Variants in PHACTR1 observed in about 807,000 individuals in gnomAD.
PHACTR1 encodes phosphatase and actin regulator 1.
PHACTR1 carries 16 observed loss-of-function variants against 69.2 expected under a neutral mutation model. That is an observed-to-expected ratio of 0.23 (90% CI 0.16 to 0.35). PHACTR1 has a LOEUF of 0.35. PHACTR1 is among the 10% of genes least tolerant of loss of function. PHACTR1 has a pLI of 1.00. For missense variants in PHACTR1, 510 were observed against 734.7 expected, an observed-to-expected ratio of 0.69 and a Z score of 3.54; for synonymous variants, 312 against 284.5, an observed-to-expected ratio of 1.10 and a Z score of -0.97.
At chr6:12,792,095 T>C (rs1206668181) in intron 4 of PHACTR1, among the ~76,000 whole-genome samples, 1 of 152,140 alleles carries the variant, frequency 6.6e-6, no homozygotes, top group East Asian at 1.9e-4. Flanking sequence ...AAAGTAGACA[T>C]AAGCATATGT....
At chr6:12,737,305 T>C (rs80302499) in intron 3 of PHACTR1, among the ~76,000 whole-genome samples, 5,254 of 152,070 alleles carry the variant, frequency 0.035, 299 homozygotes, top group African/African-American at 0.12. Flanking sequence ...TATAGTATAG[T>C]TATAGGACCA....
At chr6:12,754,567 T>C (rs1190320177) in intron 4 of PHACTR1, among the ~76,000 whole-genome samples, 1 of 152,162 alleles carries the variant, frequency 6.6e-6, no homozygotes, top group African/African-American at 2.4e-5. Flanking sequence ...CTATATATAG[T>C]TAGAGCTAGC....
intron 3 of PHACTR1, among the ~76,000 whole-genome samples, chr6:12,738,584 T>G (rs138067156): frequency 0.016 from 2,376 of 152,266 alleles, 65 homozygotes; most frequent in African/African-American, 0.055. Flanking sequence ...GGAGCCAGGC[T>G]GGGCATGGTG....
intron 4 of PHACTR1, among the ~76,000 whole-genome samples, chr6:12,893,497 G>A (rs894787346): frequency 1.3e-5 from 2 of 152,200 alleles, no homozygotes; most frequent in East Asian, 1.9e-4. Flanking sequence ...AGATGACCCT[G>A]TGAATCCTTC....
chr6:12,934,466 G>C (rs1215591611), intron 4 of PHACTR1, among the ~76,000 whole-genome samples: 1 of 152,174 alleles, frequency 6.6e-6, no homozygotes, highest in Non-Finnish European at 1.5e-5. Flanking sequence ...TGATGGTTTT[G>C]AGGAGCTATC....
At chr6:13,209,461 CCT>C (rs1766463168) in intron 8 of PHACTR1, among the ~76,000 whole-genome samples, 1 of 152,190 alleles carries the variant, frequency 6.6e-6, no homozygotes, top group Non-Finnish European at 1.5e-5. Flanking sequence ...GGACCGACCC[CCT>C]GTTTGGGCCA....
At chr6:12,879,033 G>A (rs536525412) in intron 4 of PHACTR1, among the ~76,000 whole-genome samples, 14 of 152,286 alleles carry the variant, frequency 9.2e-5, no homozygotes, top group African/African-American at 3.1e-4. Context: ...TGGAGATGTA[G>A]TGTGATGGCT....
At chr6:13,057,228 A>G (rs907810146) in intron 5 of PHACTR1, among the ~76,000 whole-genome samples, 5 of 152,194 alleles carry the variant, frequency 3.3e-5, no homozygotes. Context: ...CATTGTATAC[A>G]TGCATCAAAA....
Position 13,278,261 on chromosome 6 carries a change from T to C in PHACTR1, c.1448-7T>C, listed in dbSNP as rs1460859129. The C allele has an allele frequency of 5.1e-6, 8 of 1,579,210 alleles. No homozygotes were observed. Among genetic ancestry groups the C allele is most frequent in the Non-Finnish European group, 6.9e-6 (8 of 1,162,660 alleles). ...AAATAAAAAAACATCTTAAATATTT[T>C]TTTTAGCTCGGAATGAACAAGAGGA... On this transcript the variant is annotated splice_polypyrimidine_tract_variant and splice_region_variant and intron_variant, in intron 11 of 14. Coordinates refer to ENST00000332995, the MANE Select transcript of PHACTR1 (RefSeq NM_030948.6).
At chr6:13,003,344 C>T (rs566976312) in intron 4 of PHACTR1, among the ~76,000 whole-genome samples, 1 of 152,130 alleles carries the variant, frequency 6.6e-6, no homozygotes, top group East Asian at 1.9e-4. Flanking sequence ...TCTGTTTTTT[C>T]ACCTGCTGAC....
intron 5 of PHACTR1, among the ~76,000 whole-genome samples, chr6:13,105,251 C>T (rs1815905927): frequency 6.6e-6 from 1 of 152,104 alleles, no homozygotes; most frequent in South Asian, 2.1e-4. Flanking sequence ...TGGTGATGCA[C>T]ACCTGTACTC....
intron 5 of PHACTR1, among the ~76,000 whole-genome samples, chr6:13,087,714 C>T (rs1328717898): frequency 6.6e-6 from 1 of 151,582 alleles, no homozygotes; most frequent in Non-Finnish European, 1.5e-5. Context: ...GGTGTGATCA[C>T]AGCTCACTGC....
chr6:12,883,091 A>G (rs920397601), intron 4 of PHACTR1, among the ~76,000 whole-genome samples: 3 of 152,328 alleles, frequency 2.0e-5, no homozygotes, highest in Middle Eastern at 3.4e-3. Flanking sequence ...GTAGGCTGAG[A>G]TAAGTCAGAG....
chr6:13,105,639 A>T (rs1816007289), intron 5 of PHACTR1, among the ~76,000 whole-genome samples: 1 of 152,102 alleles, frequency 6.6e-6, no homozygotes, highest in East Asian at 1.9e-4. Flanking sequence ...CCTGCCACCC[A>T]TGCTTCTGAC....
chr6:13,125,300 G>A (rs559095059), intron 5 of PHACTR1, among the ~76,000 whole-genome samples: 69 of 152,126 alleles, frequency 4.5e-4, no homozygotes, highest in Admixed American at 1.4e-3. Context: ...TCAAATATCT[G>A]TTCTGCTCTA....
At chr6:12,946,061 C>T (rs1200257922) in intron 4 of PHACTR1, among the ~76,000 whole-genome samples, 4 of 151,208 alleles carry the variant, frequency 2.6e-5, no homozygotes, top group Non-Finnish European at 5.9e-5. Context: ...CAGTATTACA[C>T]CAGATTACCA....
chr6:13,132,530 C>T (rs1820628235), intron 5 of PHACTR1, among the ~76,000 whole-genome samples: 1 of 152,066 alleles, frequency 6.6e-6, no homozygotes, highest in African/African-American at 2.4e-5. Flanking sequence ...ATGGTGATTC[C>T]TATTTTTAGA....
intron 8 of PHACTR1, among the ~76,000 whole-genome samples, chr6:13,224,595 T>C (rs1769264487): frequency 6.6e-6 from 1 of 152,038 alleles, no homozygotes; most frequent in South Asian, 2.1e-4. Context: ...AACTATGTTA[T>C]AAAAAAAACT....
intron 5 of PHACTR1, among the ~76,000 whole-genome samples, chr6:13,057,792 G>A (rs1052576934): frequency 4.6e-5 from 7 of 152,100 alleles, no homozygotes; most frequent in South Asian, 2.1e-4. Context: ...TGTTTTGGAC[G>A]TAGACCTCCA....
Sources: allele counts gnomAD v4.1 joint callset (sites outside exome capture counted in the v4.1 genomes callset), GRCh38; gene constraint gnomAD v4.1.1; transcripts MANE v1.5; gene names NCBI Gene and HGNC (gene_info 2026-07-23, HGNC 2026-07-21).